Variants in XRN2 observed in about 807,000 individuals in gnomAD.
The protein encoded by XRN2 is DHM1-like protein.
XRN2 carries 44 observed loss-of-function variants against 138.5 expected under a neutral mutation model. That is an observed-to-expected ratio of 0.32 (90% confidence interval 0.25 to 0.41). The LOEUF (loss-of-function observed/expected upper bound fraction) is 0.41, where lower values mean the gene tolerates loss of function less well. Ranked by LOEUF, XRN2 falls within the 10% of genes least tolerant of loss-of-function variation. XRN2 has a pLI of 1.00. For synonymous variants in XRN2, 354 were observed against 369.4 expected, an observed-to-expected ratio of 0.96 and a Z score of 0.48; for missense variants, 937 against 1,169.3, an observed-to-expected ratio of 0.80 and a Z score of 2.90.
In XRN2 at chr20:21,333,849, T is replaced by C; in HGVS notation, c.1067+12T>C. ...TCGTTAGAGATTAGGTATGTGCATT[T>C]GTGTAGCTTTTCAAACGACTGTTTT... is the stretch of plus-strand genomic sequence containing the variant. On this transcript the variant is annotated intron_variant, in intron 11 of 29. Transcript: ENST00000377191. 1 of 1,614,144 alleles carries C rather than the reference T, an allele frequency of 6.2e-7. No homozygotes were observed. Among genetic ancestry groups the C allele is most frequent in the Non-Finnish European group, 8.5e-7 (1 of 1,180,008 alleles).
chr20:21,334,210 T>TA (rs1477081258), intron 13 of XRN2, 25 bp downstream of exon 13: 2 of 1,588,076 alleles, frequency 1.3e-6, no homozygotes, highest in Non-Finnish European at 1.7e-6. Flanking sequence ...TTGCAGTAGC[T>TA]AAAATTGCTC....
intron 1 of XRN2, among the ~76,000 whole-genome samples, chr20:21,309,453 C>T (rs1423916130): frequency 6.6e-6 from 1 of 152,310 alleles, no homozygotes; most frequent in Non-Finnish European, 1.5e-5. Flanking sequence ...AACCTGTGGC[C>T]TGCAAGCTGC....
chr20:21,362,438 G>A (rs141076947), intron 24 of XRN2, among the ~76,000 whole-genome samples: 75 of 152,066 alleles, frequency 4.9e-4, no homozygotes, highest in Non-Finnish European at 9.4e-4. Context: ...ATCTGAGCTC[G>A]ATCTCCATTC....
chr20:21,355,260 A>T (rs974703453), intron 21 of XRN2, among the ~76,000 whole-genome samples: 13 of 152,156 alleles, frequency 8.5e-5, no homozygotes, highest in African/African-American at 2.9e-4. Context: ...ACTTTGTTTA[A>T]AAGGTTAGGG....
intron 22 of XRN2, 99 bp from the exon 23 acceptor site, chr20:21,356,487 T>G: frequency 9.5e-7 from 1 of 1,053,564 alleles, no homozygotes; most frequent in Non-Finnish European, 1.4e-6. Flanking sequence ...TTCTGCCTTT[T>G]GGCTCTTATG....
chr20:21,353,417 T>C (rs763100295), intron 20 of XRN2, among the ~76,000 whole-genome samples: 2 of 151,044 alleles, frequency 1.3e-5, no homozygotes, highest in Non-Finnish European at 2.9e-5. Context: ...GACTCACATG[T>C]TAGGTATTAA....
intron 22 of XRN2, 78 bp from the exon 23 acceptor site, chr20:21,356,508 C>A: frequency 7.6e-7 from 1 of 1,313,828 alleles, no homozygotes; most frequent in Non-Finnish European, 1.1e-6. Context: ...AATGATGCTG[C>A]TATGAACACT....
chr20:21,365,810 T>G, intron 26 of XRN2, 106 bp downstream of exon 26: 1 of 107,290 alleles, frequency 9.3e-6, no homozygotes, highest in East Asian at 3.1e-4. Context: ...ATATATATAA[T>G]ATATGATTAT....
intron 1 of XRN2, among the ~76,000 whole-genome samples, chr20:21,304,284 C>T (rs1477390761): frequency 6.0e-5 from 9 of 150,816 alleles, no homozygotes. Flanking sequence ...AGAGGCACAT[C>T]ACGCGTACCT....
At chr20:21,309,459 G>A (rs963937808) in intron 1 of XRN2, among the ~76,000 whole-genome samples, 1 of 152,144 alleles carries the variant, frequency 6.6e-6, no homozygotes, top group Non-Finnish European at 1.5e-5. Flanking sequence ...TGGCCTGCAA[G>A]CTGCATGCAA....
chr20:21,320,020 T>A (rs2038015501), intron 1 of XRN2, among the ~76,000 whole-genome samples: 1 of 152,174 alleles, frequency 6.6e-6, no homozygotes, highest in Admixed American at 6.5e-5. Flanking sequence ...TCACTTGCTT[T>A]AGTAACTTTA....
chr20:21,384,446 A>G (rs776595837), intron 28 of XRN2, among the ~76,000 whole-genome samples: 1 of 152,244 alleles, frequency 6.6e-6, no homozygotes, highest in Non-Finnish European at 1.5e-5. Context: ...GTTGCTATCT[A>G]CGATGCCAAA....
At chr20:21,366,804 T>G (rs2038710087) in intron 26 of XRN2, among the ~76,000 whole-genome samples, 1 of 152,234 alleles carries the variant, frequency 6.6e-6, no homozygotes, top group South Asian at 2.1e-4. Context: ...AGTATTTTAA[T>G]AACTTTGATA....
intron 3 of XRN2, among the ~76,000 whole-genome samples, chr20:21,328,326 T>G (rs2038156131): frequency 6.6e-6 from 1 of 152,174 alleles, no homozygotes; most frequent in Admixed American, 6.5e-5. Context: ...TCATAGGATG[T>G]TTGTCCATTT....
intron 28 of XRN2, among the ~76,000 whole-genome samples, chr20:21,383,710 A>G (rs1222881232): frequency 6.6e-6 from 1 of 152,168 alleles, no homozygotes; most frequent in Non-Finnish European, 1.5e-5. Context: ...TCCTAAGATC[A>G]TCATCATTGT....
chr20:21,348,045 G>A (rs1035280396), intron 17 of XRN2, 101 bp from the exon 18 acceptor site: 1 of 938,156 alleles, frequency 1.1e-6, no homozygotes. Context: ...TGTTTTATAA[G>A]TAGAATATTA....
intron 20 of XRN2, among the ~76,000 whole-genome samples, chr20:21,354,433 T>A (rs558297462): frequency 8.6e-5 from 13 of 151,888 alleles, no homozygotes; most frequent in Non-Finnish European, 5.9e-5. Context: ...CTAGGGAGAG[T>A]AACTGGCTTG....
intron 27 of XRN2, among the ~76,000 whole-genome samples, chr20:21,379,469 CAAG>C (rs748759721): frequency 2.6e-5 from 4 of 152,000 alleles, no homozygotes; most frequent in African/African-American, 9.7e-5. Context: ...GGATTGAAAA[CAAG>C]GAGTGTTTTA....
chr20:21,344,261 G>A (rs910627744), intron 16 of XRN2, 53 bp downstream of exon 16: 24 of 1,352,334 alleles, frequency 1.8e-5, no homozygotes, highest in Non-Finnish European at 2.3e-5. Context: ...AATAGATGCA[G>A]TCTAATTAAT....
Sources: gnomAD v4.1 joint callset for allele counts (sites outside exome capture counted in the v4.1 genomes callset) on GRCh38, gnomAD v4.1.1 for gene constraint, MANE v1.5 for transcripts, NCBI Gene and HGNC (gene_info 2026-07-23, HGNC 2026-07-21) for gene names.